The following CHRNA2 variants were observed in gnomAD, a reference collection of about 807,000 sequenced individuals.
CHRNA2 encodes the protein neuronal acetylcholine receptor subunit alpha-2.
A neutral mutation model predicts 45.5 loss-of-function variants in CHRNA2; 40 were observed. The observed-to-expected ratio is 0.88, with a 90% confidence interval of 0.68 to 1.15. The LOEUF (loss-of-function observed/expected upper bound fraction) is 1.15. Among genes scored for constraint, CHRNA2 ranks in the 50% most tolerant of loss-of-function variants. The pLI is 0.00. For synonymous variants in CHRNA2, 301 were observed against 296.7 expected, an observed-to-expected ratio of 1.01 and a Z score of -0.15; for missense variants, 655 against 701.7, an observed-to-expected ratio of 0.93 and a Z score of 0.75.
intron 6 of CHRNA2, 30 bp downstream of exon 6, chr8:27,462,949 A>C (rs1223887928): frequency 1.9e-6 from 3 of 1,613,638 alleles, no homozygotes; most frequent in South Asian, 2.2e-5. Flanking sequence ...GGGGCCACCC[A>C]GGCTGGCGCC....
intron 1 of CHRNA2, chr8:27,477,316 T>C (rs987769620): frequency 3.9e-5 from 6 of 152,224 alleles, no homozygotes; most frequent in African/African-American, 1.4e-4. Context: ...GTTCCTCTAG[T>C]GCAGATTCAC....
At chr8:27,464,390 T>C (rs1332681378) in intron 5 of CHRNA2, among the ~76,000 whole-genome samples, 2 of 152,228 alleles carry the variant, frequency 1.3e-5, no homozygotes, top group African/African-American at 4.8e-5. Flanking sequence ...TTTTTATTCA[T>C]TTAATATTTT....
rs1307316676 is a variant in CHRNA2, at chr8:27,463,046, A to T, written c.1397T>A (p.Met466Lys). ...GTGCACACCTTCCAGTGCCTTCTGCATGTGGGGTGATAGCAGCAGCTCACC... is the reference window on the plus strand; with the variant it reads ...GTGCACACCTTCCAGTGCCTTCTGCTTGTGGGGTGATAGCAGCAGCTCACC... Reference protein sequence around the residue: ...QEGELLLSPHMQKALEGVHYI... With the variant: ...QEGELLLSPHKQKALEGVHYI... Residue 466 changes from methionine (M) to lysine (K), a missense_variant, in exon 6 of 7, where the codon ATG (methionine) becomes AAG (lysine). Met to Lys is a moderately conservative substitution (Grantham distance 95, BLOSUM62 -1). Transcript: ENST00000407991. This position sits in a 1 kb window ranked among gnomAD's most constrained non-coding sequence, Gnocchi z 6.1. 1 of 1,613,830 alleles carries T rather than the reference A, an allele frequency of 6.2e-7. No individual in the cohort carries two copies. Among genetic ancestry groups the T allele is most frequent in the East Asian group, 2.2e-5 (1 of 44,862 alleles).
At chr8:27,470,963 A>G in intron 2 of CHRNA2, 23 bp downstream of exon 2, 1 of 1,611,956 alleles carries the variant, frequency 6.2e-7, no homozygotes, top group East Asian at 2.2e-5. Flanking sequence ...GAAGTCTTAC[A>G]ATGACAGGTG....
rs766634989 is a variant in CHRNA2, at chr8:27,467,315, G to C, written c.363C>G (p.Arg121=). The C allele has an allele frequency of 5.6e-6, 9 of 1,613,696 alleles. No homozygotes were observed. Among genetic ancestry groups the C allele is most frequent in the African/African-American group, 1.3e-5 (1 of 74,922 alleles). Residue 121 remains arginine, a synonymous_variant, in exon 5 of 7, where the codon CGC becomes CGG. Transcript: ENST00000407991. ...LKQEWSDYKL[R]WNPTDFGNIT... is the part of the protein sequence containing the mutation. Reference sequence around the variant, plus strand: ...TGTTGCCAAAATCAGTGGGGTTCCAGCGCAGTTTGTAGTCGCTCCACTCCT... The same window carrying C: ...TGTTGCCAAAATCAGTGGGGTTCCACCGCAGTTTGTAGTCGCTCCACTCCT...
intron 2 of CHRNA2, among the ~76,000 whole-genome samples, chr8:27,470,662 G>C (rs542114254): frequency 7.2e-5 from 11 of 152,376 alleles, no homozygotes; most frequent in African/African-American, 2.6e-4. Flanking sequence ...AAAGCGCTGT[G>C]TCCCGAGTGC....
rs140050012 is a variant in CHRNA2, at chr8:27,472,710, G to A, written c.-136-1516C>T. ...TGAGTTTCCCTTAGAGGGGATAAGA[G>A]ATCTCTGGAACTAGACGGTGTGATG... On this transcript the variant is annotated intron_variant, in intron 1 of 6. Coordinates refer to ENST00000407991, the MANE Select transcript of CHRNA2 (RefSeq NM_000742.4). Among the ~76,000 whole-genome samples, 934 of 152,264 alleles carry A rather than the reference G, an allele frequency of 6.1e-3. 9 individuals carry two copies. The highest frequency in any genetic ancestry group is 0.022 in the African/African-American group (898 of 41,536).
rs1040149262 is a variant in CHRNA2 at position 27,463,696 on chromosome 8, G to C, written c.747C>G (p.Ala249=). 1 of 1,614,018 alleles carries C rather than the reference G, an allele frequency of 6.2e-7. No homozygotes were observed. The highest frequency in any genetic ancestry group is 8.5e-7 in the Non-Finnish European group (1 of 1,179,998). ...TYNSKKYDCC[A]EIYPDVTYAF... ...CGTAGGTGACGTCGGGGTAGATCTC[G>C]GCGCAGCAGTCGTACTTCTTGCTGT... Residue 249 remains alanine (A), a synonymous_variant, in exon 6 of 7, where the codon GCC becomes GCG. Coordinates refer to ENST00000407991, the MANE Select transcript of CHRNA2 (RefSeq NM_000742.4). This position sits in a 1 kb window ranked among gnomAD's most constrained non-coding sequence, Gnocchi z 6.1.
chr8:27,472,365 G>A (rs1812913788), intron 1 of CHRNA2, among the ~76,000 whole-genome samples: 1 of 152,156 alleles, frequency 6.6e-6, no homozygotes, highest in Admixed American at 6.5e-5. Context: ...CTGAGCCCTC[G>A]ACGTGTGGGA....
intron 4 of CHRNA2, among the ~76,000 whole-genome samples, chr8:27,467,740 G>A (rs1864375): frequency 0.14 from 21,492 of 152,152 alleles, 1,888 homozygotes; most frequent in East Asian, 0.45. Flanking sequence ...AGAGCCAAGC[G>A]GGGAATGCAG....
chr8:27,465,896 T>C (rs1188131327), intron 5 of CHRNA2, among the ~76,000 whole-genome samples: 1 of 152,206 alleles, frequency 6.6e-6, no homozygotes, highest in Non-Finnish European at 1.5e-5. Flanking sequence ...AAGCAAGACT[T>C]CGGCTTGGAA....
chr8:27,465,108 G>C lies in CHRNA2; in HGVS notation c.450-1115C>G, dbSNP rs540550966. On this transcript the variant is annotated intron_variant, in intron 5 of 6. Coordinates refer to ENST00000407991, the MANE Select transcript of CHRNA2 (RefSeq NM_000742.4). Reference sequence around the variant, plus strand: ...AGGGTCACACAGGGACAGAGAGTGTGAATCAGGGGTATCGTGGGACTAGGC... The same window carrying C: ...AGGGTCACACAGGGACAGAGAGTGTCAATCAGGGGTATCGTGGGACTAGGC... Among the ~76,000 whole-genome samples, 6 of 152,312 alleles carry C rather than the reference G, an allele frequency of 3.9e-5. No homozygotes were observed. The South Asian group carries it at 8.3e-4, about 21-fold the overall frequency.
rs146191907 is a variant in CHRNA2 at position 27,459,756 on chromosome 8, T to C, written c.*1873A>G. ...AGCTGGCAAGGAGGGGGTCGCACAG[T>C]TGAGTCAGCAGTAGGTGCAGCTTTA... On this transcript the variant is annotated 3_prime_UTR_variant, in exon 7 of 7. Transcript: ENST00000407991. 3.7e-3 allele frequency: 566 copies of C among 154,206 alleles called. 4 individuals are homozygous for C. The highest frequency in any genetic ancestry group is 0.012 in the African/African-American group (513 of 41,620). The allele number at this position is 154,206 out of a possible 1,614,324, so 9.6% of individuals were successfully genotyped here. A position where few individuals can be genotyped will look rare whatever the true frequency, so the allele number is the denominator to read the frequency against.
chr8:27,466,532 C>G (rs1812703967), intron 5 of CHRNA2, among the ~76,000 whole-genome samples: 2 of 152,118 alleles, frequency 1.3e-5, no homozygotes, highest in South Asian at 4.1e-4. Context: ...CTCAAAGAAG[C>G]CATGCTCCTT....
At chr8:27,470,731 A>T (rs1812854158) in intron 2 of CHRNA2, among the ~76,000 whole-genome samples, 1 of 152,214 alleles carries the variant, frequency 6.6e-6, no homozygotes, top group Non-Finnish European at 1.5e-5. Flanking sequence ...TAGGCCTGGG[A>T]GGTACACAAC....
At chr8:27,465,674 C>T (rs2322585) in intron 5 of CHRNA2, among the ~76,000 whole-genome samples, 13,409 of 152,212 alleles carry the variant, frequency 0.088, 1,447 homozygotes, top group African/African-American at 0.26. Flanking sequence ...CCTGATCCGC[C>T]GGCCTCGGCC....
Position 27,463,907 on chromosome 8 carries a change from T to C in CHRNA2, c.536A>G (p.Tyr179Cys). ...GACGTCGATGCTGCAGGAGCTCTTG[T>C]AGATGGCCGGGGGCACCCAGTGCAC... ...GTVHWVPPAIYKSSCSIDVTF... is the reference protein window; with the variant it reads ...GTVHWVPPAICKSSCSIDVTF... The change falls in exon 6 of 7, where the codon TAC (tyrosine) becomes TGC (cysteine). Residue 179 changes from tyrosine (Y) to cysteine (C), a missense_variant. Physicochemically the swap from Tyr to Cys is radical, Grantham distance 194. Coordinates refer to ENST00000407991, the MANE Select transcript of CHRNA2 (RefSeq NM_000742.4). The surrounding 1 kb of genome is among the most constrained non-coding windows in gnomAD (Gnocchi z 6.1). 1 of 1,614,138 alleles carries C rather than the reference T, an allele frequency of 6.2e-7. No individual in the cohort carries two copies. The highest frequency in any genetic ancestry group is 8.5e-7 in the Non-Finnish European group (1 of 1,180,032).
At chr8:27,462,256 G>C (rs918524439) in intron 6 of CHRNA2, among the ~76,000 whole-genome samples, 2 of 152,018 alleles carry the variant, frequency 1.3e-5, no homozygotes, top group African/African-American at 4.8e-5. Flanking sequence ...CCCAGACAAG[G>C]GAGCCTGGAT....
At chr8:27,465,088 C>T (rs1812655990) in intron 5 of CHRNA2, among the ~76,000 whole-genome samples, 1 of 152,170 alleles carries the variant, frequency 6.6e-6, no homozygotes, top group Non-Finnish European at 1.5e-5. Context: ...AGTAGAGGGT[C>T]ACACAGGGAC....
Sources: allele counts gnomAD v4.1 joint callset (sites outside exome capture counted in the v4.1 genomes callset), GRCh38; gene constraint gnomAD v4.1.1; non-coding constraint Gnocchi (gnomAD v3.1); transcripts MANE v1.5; gene names NCBI Gene and HGNC (gene_info 2026-07-23, HGNC 2026-07-21).